ERI1: variants seen among roughly 807,000 people sequenced by gnomAD.
ERI1 encodes the protein exoribonuclease 1, also known as 3'-5' exoribonuclease 1.
In ERI1, 39 loss-of-function variants were observed where a neutral mutation model predicts 39.7. The ratio of observed to expected loss-of-function variants is 0.98; its 90% CI spans 0.76 to 1.28. The LOEUF (loss-of-function observed/expected upper bound fraction) is 1.28. Ranked by LOEUF, ERI1 falls within the 50% of genes most tolerant of loss-of-function variation. ERI1 has a pLI of 0.00. For synonymous variants in ERI1, 204 were observed against 149.6 expected (o/e 1.36, Z -2.65); for missense variants, 581 against 416.9 (o/e 1.39, Z -3.43).
intron 3 of ERI1, among the ~76,000 whole-genome samples, chr8:9,070,758 G>T (rs1425601832): frequency 6.6e-6 from 1 of 152,216 alleles, no homozygotes; most frequent in African/African-American, 2.4e-5. Context: ...TCGCATGTCT[G>T]TGGATCAAAG....
chr8:9,094,272 T>C (rs1161017396), intron 3 of ERI1, among the ~76,000 whole-genome samples: 2 of 152,240 alleles, frequency 1.3e-5, no homozygotes, highest in Non-Finnish European at 2.9e-5. Flanking sequence ...TCAGGACAAA[T>C]CCAAGCAACC....
chr8:9,020,328 T>C, intron 5 of ERI1, 22 bp from the exon 6 acceptor site: 1 of 1,368,524 alleles, frequency 7.3e-7, no homozygotes, highest in Non-Finnish European at 1.0e-6. Flanking sequence ...TCATCAATTT[T>C]TTGTCCTTTT....
intron 3 of ERI1, among the ~76,000 whole-genome samples, chr8:9,099,138 AT>A (rs1213606918): frequency 6.6e-6 from 1 of 151,934 alleles, no homozygotes; most frequent in African/African-American, 2.4e-5. Context: ...CCCGGCCACA[AT>A]TTGGTAAGTT....
chr8:9,029,265 T>C (rs1268257091), intron 6 of ERI1, among the ~76,000 whole-genome samples: 5 of 152,214 alleles, frequency 3.3e-5, no homozygotes, highest in African/African-American at 1.2e-4. Context: ...GCAGAGTTTT[T>C]AGATGTCTGA....
Position 9,003,159 on chromosome 8 carries a change from TC to T in ERI1, c.99del (p.Ser34ValfsTer46). 1 of 1,243,788 alleles carries T rather than the reference TC, an allele frequency of 8.0e-7. No individual in the cohort carries two copies. The allele number at this position is 1,243,788 out of a possible 1,614,324, so 77.0% of individuals were successfully genotyped here. Reference sequence around the variant, plus strand: ...CGGAGGGCGGGGAGGAGCCGCCGCGTCCCAGTCCCGAGGTGAGGAGTCGACC... The same window carrying T: ...CGGAGGGCGGGGAGGAGCCGCCGCGTCCAGTCCCGAGGTGAGGAGTCGACC... ...RPEGGEEPPR[P>X]SPEETQQCKF... On this transcript the variant is annotated frameshift_variant, in exon 1 of 7. Coordinates refer to ENST00000250263, the MANE Select transcript of ERI1 (RefSeq NM_153332.4). LOFTEE classifies it high-confidence loss of function.
intron 6 of ERI1, among the ~76,000 whole-genome samples, chr8:9,028,633 T>C (rs1797359242): frequency 6.6e-6 from 1 of 152,146 alleles, no homozygotes; most frequent in South Asian, 2.1e-4. Context: ...ATTTTTTTTT[T>C]CTTTTTTTGA....
chr8:9,019,190 C>T (rs1563323541), intron 5 of ERI1, among the ~76,000 whole-genome samples: 2 of 152,130 alleles, frequency 1.3e-5, no homozygotes, highest in South Asian at 2.1e-4. Flanking sequence ...AGATGACAGA[C>T]GTTGTGCCAG....
chr8:9,064,491 C>T (rs550034605), intron 3 of ERI1, among the ~76,000 whole-genome samples: 304 of 118,350 alleles, frequency 2.6e-3, no homozygotes, highest in Non-Finnish European at 4.5e-3. Flanking sequence ...TTTGGGTCCA[C>T]GGATAAAACG....
intron 3 of ERI1, among the ~76,000 whole-genome samples, chr8:9,015,417 C>G (rs1046343962): frequency 1.6e-4 from 25 of 151,964 alleles, no homozygotes; most frequent in Non-Finnish European, 1.5e-5. Context: ...GCATTACTGG[C>G]TAGAGGAAAA....
intron 3 of ERI1, among the ~76,000 whole-genome samples, chr8:9,056,549 G>C (rs1389260751): frequency 6.6e-6 from 1 of 152,124 alleles, no homozygotes. Flanking sequence ...CACATTTAAG[G>C]TAAATTCCCA....
At chr8:9,006,052 G>T (rs1002063159) in intron 1 of ERI1, among the ~76,000 whole-genome samples, 1 of 152,226 alleles carries the variant, frequency 6.6e-6, no homozygotes, top group South Asian at 2.1e-4. Context: ...GGTGGATGTA[G>T]TTACTGGTAC....
chr8:9,052,291 C>T (rs540770067), intron 3 of ERI1, among the ~76,000 whole-genome samples: 55 of 152,184 alleles, frequency 3.6e-4, no homozygotes, highest in African/African-American at 1.3e-3. Flanking sequence ...TCCATTCTTC[C>T]GTGTCCATGG....
chr8:9,004,129 T>C, intron 1 of ERI1: 1 of 1,289,390 alleles, frequency 7.8e-7, no homozygotes, highest in Non-Finnish European at 1.0e-6. Flanking sequence ...GTTAAGGATC[T>C]CTGTATGTTC....
At chr8:9,070,012 G>A (rs1334408205) in intron 3 of ERI1, among the ~76,000 whole-genome samples, 1 of 151,950 alleles carries the variant, frequency 6.6e-6, no homozygotes, top group Non-Finnish European at 1.5e-5. Context: ...GCTGAGGTGG[G>A]CGGATCACCT....
Position 9,085,993 on chromosome 8 carries a change from C to G in ERI1, n.300-30355C>G, listed in dbSNP as rs78722382. Among the ~76,000 whole-genome samples, 1,141 of 152,276 alleles carry G rather than the reference C, an allele frequency of 7.5e-3. 19 individuals carry two copies. The highest frequency in any genetic ancestry group is 0.026 in the African/African-American group (1,071 of 41,554). ...GGTTTGTGTGTATCTAGAAGATAAT[C>G]TCTTGAGCAACCAGGAGGAATCACA... On this transcript the variant is annotated intron_variant and non_coding_transcript_variant, in intron 3 of 3. Transcript: ENST00000518663.
chr8:9,072,558 A>T (rs765573414), intron 3 of ERI1: 7 of 152,124 alleles, frequency 4.6e-5, no homozygotes, highest in Non-Finnish European at 1.0e-4. Flanking sequence ...AACCTGAAGG[A>T]TCCTTCCGTC....
chr8:9,023,770 A>T (rs867938091), intron 6 of ERI1, among the ~76,000 whole-genome samples: 1,195 of 103,478 alleles, frequency 0.012, 15 homozygotes, highest in African/African-American at 0.039. Flanking sequence ...GTCTAAAAAC[A>T]TTTTTTTTTT....
At chr8:9,004,819 C>G (rs914774020) in intron 1 of ERI1, among the ~76,000 whole-genome samples, 1 of 151,450 alleles carries the variant, frequency 6.6e-6, no homozygotes, top group African/African-American at 2.4e-5. Context: ...TCCCTAGTAG[C>G]TGGGATTACA....
rs537688181 is a variant in ERI1 at position 9,076,232 on chromosome 8, C to A, written n.300-40116C>A. On this transcript the variant is annotated intron_variant and non_coding_transcript_variant, in intron 3 of 3. Transcript: ENST00000518663. ...GTGTTGGGATTACAGGTGTGAGCCA[C>A]TGTGCCCAGCCAGAAAAAAGAAAAT... Among the ~76,000 whole-genome samples, 10 of 152,274 alleles carry A rather than the reference C, an allele frequency of 6.6e-5. No individual in the cohort carries two copies. In the South Asian group the frequency reaches 1.9e-3, roughly 28 times the overall value.
Sources: allele counts gnomAD v4.1 joint callset (sites outside exome capture counted in the v4.1 genomes callset), GRCh38; gene constraint gnomAD v4.1.1; transcripts MANE v1.5; gene names NCBI Gene and HGNC (gene_info 2026-07-23, HGNC 2026-07-21).